Variants in DAB1 observed in about 807,000 individuals in gnomAD.
The protein encoded by DAB1 is disabled homolog 1.
In DAB1, 15 loss-of-function variants were observed where a neutral mutation model predicts 64.6. The ratio of observed to expected loss-of-function variants is 0.23; its 90% CI spans 0.16 to 0.36. The LOEUF is 0.36. DAB1 is among the 10% of genes least tolerant of loss of function. The pLI is 1.00. For synonymous variants in DAB1, 235 were observed against 251.9 expected, an observed-to-expected ratio of 0.93 and a Z score of 0.64; for missense variants, 596 against 706.7, an observed-to-expected ratio of 0.84 and a Z score of 1.78.
intron 7 of DAB1, among the ~76,000 whole-genome samples, chr1:57,492,632 C>G (rs774408129): frequency 5.3e-5 from 8 of 152,196 alleles, no homozygotes; most frequent in Non-Finnish European, 1.0e-4. Context: ...CACAGCAGAA[C>G]TCTAGAGCCT....
intron 5 of DAB1, among the ~76,000 whole-genome samples, chr1:57,947,236 G>T (rs1012349215): frequency 6.6e-6 from 1 of 152,124 alleles, no homozygotes; most frequent in Non-Finnish European, 1.5e-5. Context: ...TCCAAAGCAT[G>T]TGATCTTCAT....
intron 7 of DAB1, among the ~76,000 whole-genome samples, chr1:57,558,034 T>A (rs1045185255): frequency 1.3e-5 from 2 of 152,190 alleles, no homozygotes; most frequent in African/African-American, 4.8e-5. Context: ...CCAAGTTGCA[T>A]GCACAGCCTT....
intron 2 of DAB1, among the ~76,000 whole-genome samples, chr1:57,282,616 C>A (rs1248983218): frequency 6.6e-6 from 1 of 152,088 alleles, no homozygotes; most frequent in Non-Finnish European, 1.5e-5. Context: ...AAATTCATGA[C>A]CGTGTGACCA....
At chr1:58,064,067 T>C (rs1255080304) in intron 5 of DAB1, among the ~76,000 whole-genome samples, 1 of 152,206 alleles carries the variant, frequency 6.6e-6, no homozygotes, top group Non-Finnish European at 1.5e-5. Flanking sequence ...TCTCCCTTTA[T>C]TCCTCAACTG....
intron 4 of DAB1, among the ~76,000 whole-genome samples, chr1:58,275,528 G>T (rs941708391): frequency 6.6e-6 from 1 of 152,128 alleles, no homozygotes; most frequent in Non-Finnish European, 1.5e-5. Context: ...TTTCTCCAAA[G>T]AATATATACA....
At chr1:57,479,683 G>A (rs1226781328) in intron 7 of DAB1, among the ~76,000 whole-genome samples, 1 of 151,994 alleles carries the variant, frequency 6.6e-6, no homozygotes, top group African/African-American at 2.4e-5. Context: ...TTACATTTCT[G>A]GCAGGTGATG....
intron 1 of DAB1, among the ~76,000 whole-genome samples, chr1:57,839,853 G>GT (rs1412007950): frequency 1.3e-5 from 2 of 152,198 alleles, no homozygotes; most frequent in African/African-American, 4.8e-5. Flanking sequence ...ACTGGGAAAA[G>GT]TAAGATCCCA....
intron 9 of DAB1, among the ~76,000 whole-genome samples, chr1:57,047,284 A>G (rs1416532051): frequency 6.6e-6 from 1 of 152,228 alleles, no homozygotes; most frequent in East Asian, 1.9e-4. Flanking sequence ...AGTATTTGGT[A>G]GTTACAATTG....
chr1:58,314,280 T>C (rs1662500765), intron 4 of DAB1, among the ~76,000 whole-genome samples: 1 of 152,190 alleles, frequency 6.6e-6, no homozygotes, highest in South Asian at 2.1e-4. Context: ...TGGTCTGTTC[T>C]TGTTCTGATC....
intron 7 of DAB1, among the ~76,000 whole-genome samples, chr1:57,590,218 G>T (rs58330301): frequency 0.024 from 3,650 of 152,106 alleles, 159 homozygotes; most frequent in African/African-American, 0.076. Flanking sequence ...CCCACGCCTG[G>T]TGTCTGTTCC....
chr1:58,207,619 C>T (rs1021277451), intron 4 of DAB1, among the ~76,000 whole-genome samples: 2 of 152,188 alleles, frequency 1.3e-5, no homozygotes, highest in African/African-American at 4.8e-5. Flanking sequence ...CTGGAAGCCC[C>T]ACATTCGAGA....
intron 6 of DAB1, among the ~76,000 whole-genome samples, chr1:57,657,295 A>G (rs1182059799): frequency 6.6e-6 from 1 of 152,238 alleles, no homozygotes; most frequent in African/African-American, 2.4e-5. Context: ...GGATGAGGGT[A>G]GCAGAGCCAG....
intron 1 of DAB1, among the ~76,000 whole-genome samples, chr1:57,356,287 G>A (rs1486969602): frequency 6.6e-6 from 1 of 152,008 alleles, no homozygotes; most frequent in African/African-American, 2.4e-5. Context: ...CTTTAAAGTG[G>A]ACACATGACT....
chr1:57,954,715 G>T (rs942240534), intron 5 of DAB1, among the ~76,000 whole-genome samples: 1 of 152,156 alleles, frequency 6.6e-6, no homozygotes, highest in Admixed American at 6.5e-5. Flanking sequence ...TGGAGTTCAG[G>T]ATTAGTCTGA....
At chr1:57,919,964 T>C (rs1053005739) in intron 5 of DAB1, among the ~76,000 whole-genome samples, 91 of 152,338 alleles carry the variant, frequency 6.0e-4, no homozygotes, top group African/African-American at 2.1e-3. Context: ...CCAGCCATCT[T>C]CTTCCCCAGC....
intron 4 of DAB1, among the ~76,000 whole-genome samples, chr1:58,221,693 A>G (rs926192763): frequency 1.3e-5 from 2 of 152,230 alleles, no homozygotes; most frequent in African/African-American, 4.8e-5. Flanking sequence ...CCCGAAGGTC[A>G]CTGGCATAGT....
chr1:57,936,077 G>A (rs1645020419), intron 5 of DAB1, among the ~76,000 whole-genome samples: 1 of 152,120 alleles, frequency 6.6e-6, no homozygotes, highest in South Asian at 2.1e-4. Context: ...ACATTGTTTT[G>A]GGATCTCAAA....
intron 4 of DAB1, among the ~76,000 whole-genome samples, chr1:57,116,480 A>AAAAAAAAAAAAAAAG (rs1553144211): frequency 7.6e-6 from 1 of 131,322 alleles, no homozygotes; most frequent in African/African-American, 2.7e-5. Context: ...AAAAAAAAAA[A>AAAAAAAAAAAAAAAG]AAAGAAAGAA....
At chr1:57,227,475 A>G (rs1250394084) in intron 2 of DAB1, among the ~76,000 whole-genome samples, 1 of 152,034 alleles carries the variant, frequency 6.6e-6, no homozygotes, top group Non-Finnish European at 1.5e-5. Flanking sequence ...AAGGAGCAAC[A>G]GAGAATGACT....
Sources: allele counts gnomAD v4.1 joint callset (sites outside exome capture counted in the v4.1 genomes callset), GRCh38; gene constraint gnomAD v4.1.1; transcripts MANE v1.5; gene names NCBI Gene and HGNC (gene_info 2026-07-23, HGNC 2026-07-21).